Variants in CACNA2D3 observed in about 807,000 individuals in gnomAD.
CACNA2D3 encodes calcium voltage-gated channel auxiliary subunit alpha2delta 3.
Under a neutral mutation model 160.6 loss-of-function variants are expected in CACNA2D3, and 60 were observed. The observed-to-expected ratio is 0.37, with a 90% CI of 0.30 to 0.46. The LOEUF is 0.46. CACNA2D3 is among the 20% of genes least tolerant of loss of function. The pLI is 1.00. For missense variants in CACNA2D3, 1,205 were observed against 1,365.0 expected (o/e 0.88, Z 1.85); for synonymous variants, 558 against 492.9 (o/e 1.13, Z -1.75).
intron 11 of CACNA2D3, among the ~76,000 whole-genome samples, chr3:54,653,264 T>C (rs889001494): frequency 6.6e-6 from 1 of 152,210 alleles, no homozygotes; most frequent in African/African-American, 2.4e-5. Context: ...TTTTCACTTC[T>C]GTGAATGCTC....
chr3:55,049,196 G>C (rs1343420160), intron 35 of CACNA2D3, among the ~76,000 whole-genome samples: 1 of 150,860 alleles, frequency 6.6e-6, no homozygotes, highest in Non-Finnish European at 1.5e-5. Context: ...TGTGATGTTA[G>C]GGTGTCAATT....
chr3:54,859,474 A>G (rs926173966), intron 17 of CACNA2D3, among the ~76,000 whole-genome samples: 1 of 152,198 alleles, frequency 6.6e-6, no homozygotes, highest in African/African-American at 2.4e-5. Flanking sequence ...TGAGGCAAAG[A>G]AGGAGCTTGG....
At chr3:54,380,745 A>G (rs72988040) in intron 3 of CACNA2D3, among the ~76,000 whole-genome samples, 4,612 of 152,180 alleles carry the variant, frequency 0.03, 240 homozygotes, top group African/African-American at 0.11. Context: ...AAAAAACAAA[A>G]AAACAAAAGC....
intron 14 of CACNA2D3, among the ~76,000 whole-genome samples, chr3:54,826,251 A>G (rs552362848): frequency 4.2e-4 from 64 of 152,284 alleles, no homozygotes; most frequent in African/African-American, 1.4e-3. Context: ...GCCCACTTCC[A>G]TGAGAACTGA....
chr3:54,815,261 A>T (rs1309861110), intron 13 of CACNA2D3, among the ~76,000 whole-genome samples: 1 of 152,194 alleles, frequency 6.6e-6, no homozygotes, highest in Non-Finnish European at 1.5e-5. Flanking sequence ...CGTATAAGAT[A>T]AAAGTGTTGG....
intron 35 of CACNA2D3, among the ~76,000 whole-genome samples, chr3:55,065,645 C>T (rs61239123): frequency 7.6e-5 from 11 of 143,872 alleles, no homozygotes; most frequent in African/African-American, 1.6e-4. Context: ...CCAGCCTGGA[C>T]GACAGAGCAA....
At chr3:54,253,304 C>T (rs570648117) in intron 2 of CACNA2D3, among the ~76,000 whole-genome samples, 2 of 152,120 alleles carry the variant, frequency 1.3e-5, no homozygotes, top group Admixed American at 1.3e-4. Context: ...GTTTAATCGG[C>T]TTGTGCTTCT....
At chr3:54,938,465 C>T (rs1701382652) in intron 27 of CACNA2D3, among the ~76,000 whole-genome samples, 1 of 152,152 alleles carries the variant, frequency 6.6e-6, no homozygotes, top group Non-Finnish European at 1.5e-5. Context: ...CTAACATAAT[C>T]CTAGTTGGTG....
At chr3:54,942,757 G>A (rs1701505338) in intron 27 of CACNA2D3, among the ~76,000 whole-genome samples, 1 of 152,042 alleles carries the variant, frequency 6.6e-6, no homozygotes, top group Admixed American at 6.6e-5. Context: ...AGGCACAGTG[G>A]CTCACACCTG....
intron 9 of CACNA2D3, among the ~76,000 whole-genome samples, chr3:54,603,152 G>C (rs1703095144): frequency 6.6e-6 from 1 of 152,222 alleles, no homozygotes; most frequent in Admixed American, 6.5e-5. Flanking sequence ...CTGGACACAG[G>C]CAGAATCAAT....
chr3:54,512,854 T>A (rs1292976112), intron 5 of CACNA2D3, among the ~76,000 whole-genome samples: 1 of 152,160 alleles, frequency 6.6e-6, no homozygotes, highest in Non-Finnish European at 1.5e-5. Context: ...AAAAAGAGGT[T>A]TAATGGACTT....
In CACNA2D3 at chr3:54,733,065, T is replaced by C. The variant is rs1208566603; in HGVS notation, c.1168-19534T>C. Among the ~76,000 whole-genome samples, 3 of 152,170 alleles carry C rather than the reference T, an allele frequency of 2.0e-5. No homozygotes were observed. In the East Asian group the frequency reaches 5.8e-4, roughly 29 times the overall value. ...CTTTGGCATCTGTCCTAGCGAGAAG[T>C]CATTTGGTAGAAACCTCATGTTTCT... On this transcript the variant is annotated intron_variant, in intron 11 of 37. Coordinates refer to ENST00000474759, the MANE Select transcript of CACNA2D3 (RefSeq NM_018398.3).
intron 2 of CACNA2D3, among the ~76,000 whole-genome samples, chr3:54,256,920 G>A (rs1409061861): frequency 6.6e-6 from 1 of 152,194 alleles, no homozygotes; most frequent in Non-Finnish European, 1.5e-5. Context: ...CACATTATTT[G>A]TCGCACTTTT....
intron 13 of CACNA2D3, among the ~76,000 whole-genome samples, chr3:54,778,039 T>C (rs192273320): frequency 4.7e-4 from 71 of 152,336 alleles, no homozygotes; most frequent in African/African-American, 1.6e-3. Flanking sequence ...TCAGAGCATT[T>C]GAAGACCTTG....
chr3:54,313,075 G>C (rs566318984), intron 2 of CACNA2D3, among the ~76,000 whole-genome samples: 11 of 152,104 alleles, frequency 7.2e-5, no homozygotes, highest in Non-Finnish European at 1.6e-4. Context: ...ATTTGGGGTG[G>C]TTCATTATGT....
chr3:54,707,377 C>G (rs1217135100), intron 11 of CACNA2D3, among the ~76,000 whole-genome samples: 1 of 152,236 alleles, frequency 6.6e-6, no homozygotes, highest in Non-Finnish European at 1.5e-5. Flanking sequence ...GCTTTTAGTT[C>G]TGGACAAAGG....
chr3:54,142,355 G>A (rs1699953146), intron 2 of CACNA2D3, among the ~76,000 whole-genome samples: 1 of 152,176 alleles, frequency 6.6e-6, no homozygotes, highest in Admixed American at 6.5e-5. Context: ...TCAGCAAAGA[G>A]CTTTTCAGTT....
chr3:54,944,613 G>C (rs1225507766), intron 27 of CACNA2D3, among the ~76,000 whole-genome samples: 1 of 152,036 alleles, frequency 6.6e-6, no homozygotes, highest in Non-Finnish European at 1.5e-5. Flanking sequence ...AGTAGAGACA[G>C]GGTTTCACCG....
At chr3:54,726,057 G>T (rs890415737) in intron 11 of CACNA2D3, among the ~76,000 whole-genome samples, 1 of 152,152 alleles carries the variant, frequency 6.6e-6, no homozygotes, top group Non-Finnish European at 1.5e-5. Context: ...AGCAACTTCA[G>T]CAAAGTCTCA....
Sources: gnomAD v4.1 joint callset for allele counts (sites outside exome capture counted in the v4.1 genomes callset) on GRCh38, gnomAD v4.1.1 for gene constraint, MANE v1.5 for transcripts, NCBI Gene and HGNC (gene_info 2026-07-23, HGNC 2026-07-21) for gene names.